PLB1: variants seen among roughly 807,000 people sequenced by gnomAD.
The protein encoded by PLB1 is phospholipase B1, membrane-associated.
Under a neutral mutation model 227.4 loss-of-function variants are expected in PLB1, and 242 were observed. That is an observed-to-expected ratio of 1.06 (90% CI 0.96 to 1.18). PLB1 has a LOEUF of 1.18. PLB1 is among the 50% of genes most tolerant of loss of function. The pLI, the probability that PLB1 is intolerant of heterozygous loss-of-function variation, is 0.00. For synonymous variants in PLB1, 757 were observed against 682.2 expected (o/e 1.11, Z -1.71); for missense variants, 1,858 against 1,816.3 (o/e 1.02, Z -0.42).
At chr2:28,497,037 G>A (rs1005832698) in intron 1 of PLB1, among the ~76,000 whole-genome samples, 4 of 152,194 alleles carry the variant, frequency 2.6e-5, no homozygotes, top group Admixed American at 2.6e-4. Context: ...GAATGACGAT[G>A]CTTGCTATGC....
At chr2:28,523,397 G>T (rs1395300493) in intron 4 of PLB1, among the ~76,000 whole-genome samples, 2 of 147,138 alleles carry the variant, frequency 1.4e-5, no homozygotes, top group South Asian at 2.1e-4. Flanking sequence ...TGCCAAGGAG[G>T]TTACAATTCA....
chr2:28,565,365 T>C lies in PLB1; in HGVS notation c.1280+12T>C. Reference sequence around the variant, plus strand: ...GGCCTGTCCTGGAGGTGAGTGAGGGTGTGGCAAGGCCCCAAAGGCCCCTTC... The same window carrying C: ...GGCCTGTCCTGGAGGTGAGTGAGGGCGTGGCAAGGCCCCAAAGGCCCCTTC... On this transcript the variant is annotated intron_variant, in intron 19 of 57. Transcript: ENST00000327757. 6.3e-7 allele frequency: 1 copy of C among 1,599,892 alleles called. No homozygotes were observed. Among genetic ancestry groups the C allele is most frequent in the Non-Finnish European group, 8.5e-7 (1 of 1,172,988 alleles).
intron 3 of PLB1, 60 bp downstream of exon 3, chr2:28,518,592 C>T (rs1396676209): frequency 7.7e-7 from 1 of 1,305,998 alleles, no homozygotes; most frequent in Non-Finnish European, 1.1e-6. Flanking sequence ...AAGTGGCCAG[C>T]AGAGGCTCTA....
chr2:28,625,998 CTT>C (rs774136235), intron 50 of PLB1, among the ~76,000 whole-genome samples: 23 of 136,972 alleles, frequency 1.7e-4, no homozygotes, highest in Admixed American at 1.5e-4. Flanking sequence ...TGTTGCTTTT[CTT>C]TTTTTTTTTT....
chr2:28,629,876 A>C (rs1309226985), intron 53 of PLB1, among the ~76,000 whole-genome samples: 1 of 152,184 alleles, frequency 6.6e-6, no homozygotes, highest in African/African-American at 2.4e-5. Context: ...AGGGCCTCCC[A>C]CAGTTTGAGT....
intron 25 of PLB1, among the ~76,000 whole-genome samples, chr2:28,583,659 C>A (rs989755717): frequency 1.3e-5 from 2 of 152,132 alleles, no homozygotes. Flanking sequence ...TGCCCAGATC[C>A]TGCGGCTCAA....
intron 14 of PLB1, among the ~76,000 whole-genome samples, chr2:28,545,466 G>A (rs539385760): frequency 2.0e-5 from 3 of 152,298 alleles, no homozygotes; most frequent in East Asian, 3.9e-4. Context: ...GAAGCGACGG[G>A]TATAACAGGT....
chr2:28,525,095 C>T (rs13384071), intron 4 of PLB1, among the ~76,000 whole-genome samples, 172 bp from the exon 5 acceptor site: 2,345 of 152,188 alleles, frequency 0.015, 49 homozygotes, highest in African/African-American at 0.053. Flanking sequence ...GTGATCCTCC[C>T]TGTGCTCAGC....
At chr2:28,553,063 A>G (rs140612453) in intron 17 of PLB1, 72 bp downstream of exon 17, 85 of 1,281,100 alleles carry the variant, frequency 6.6e-5, no homozygotes, top group Non-Finnish European at 9.3e-5. Context: ...GGCTTTCCAC[A>G]TAACCTGAAA....
At position 28,496,208 on chromosome 2, in the gene PLB1, AG is replaced by A. The variant is rs767815997; in HGVS notation, c.55+40del. 6 of 1,595,840 alleles carry A rather than the reference AG, an allele frequency of 3.8e-6. No individual in the cohort carries two copies. In the Admixed American group the frequency reaches 1.0e-4, roughly 27 times the overall value. On this transcript the variant is annotated intron_variant, in intron 1 of 57. Transcript: ENST00000327757. ...TTGCTCAGAGGACAACCAGTGGTTT[AG>A]CCCCGCTGGTGTCCCATGTTGCTTA...
chr2:28,621,396 A>G (rs139744030), intron 49 of PLB1, among the ~76,000 whole-genome samples: 163 of 152,312 alleles, frequency 1.1e-3, no homozygotes, highest in African/African-American at 3.6e-3. Flanking sequence ...AACTGAGTGC[A>G]TGACCCGGGG....
rs958417883 is a variant in PLB1 at position 28,643,176 on chromosome 2, C to G, written c.*115C>G. The G allele has an allele frequency of 1.9e-6, 2 of 1,025,746 alleles. No homozygotes were observed. Among genetic ancestry groups the G allele is most frequent in the Non-Finnish European group, 2.8e-6 (2 of 720,146 alleles). 63.5% of individuals were successfully genotyped at this position (1,025,746 alleles called of 1,614,324 possible). ...TCAATGCCTGGTGCCATAGGAAGCC[C>G]AGGGGACAGTCACAACTTCTTGGGG... On this transcript the variant is annotated 3_prime_UTR_variant, in exon 58 of 58. Transcript: ENST00000327757.
intron 9 of PLB1, among the ~76,000 whole-genome samples, chr2:28,536,284 G>T (rs1671670203): frequency 6.6e-6 from 1 of 152,218 alleles, no homozygotes; most frequent in African/African-American, 2.4e-5. Flanking sequence ...CTGAAGGCAG[G>T]TGCTTTGGAG....
intron 19 of PLB1, chr2:28,566,338 G>C (rs1330445222): frequency 6.3e-6 from 1 of 157,606 alleles, no homozygotes; most frequent in Non-Finnish European, 1.4e-5. Flanking sequence ...TGATCACCTT[G>C]GAATTTTATT....
intron 2 of PLB1, among the ~76,000 whole-genome samples, chr2:28,517,151 C>A (rs1311055856): frequency 6.6e-6 from 1 of 152,188 alleles, no homozygotes; most frequent in African/African-American, 2.4e-5. Flanking sequence ...AACCTTGAAG[C>A]AGATGTTGGG....
chr2:28,547,642 T>C (rs10865500), intron 14 of PLB1, among the ~76,000 whole-genome samples: 134,639 of 152,140 alleles, frequency 0.88, 59,907 homozygotes, highest in East Asian at 0.99. Flanking sequence ...CTTCCCACGT[T>C]CCTTGGCAGA....
chr2:28,635,219 C>A (rs1359184422), intron 56 of PLB1, among the ~76,000 whole-genome samples: 2 of 152,176 alleles, frequency 1.3e-5, no homozygotes, highest in Admixed American at 6.5e-5. Flanking sequence ...ATTATACAGT[C>A]TAATGTTTTC....
At chr2:28,548,140 C>T (rs1223624585) in intron 14 of PLB1, among the ~76,000 whole-genome samples, 2 of 152,032 alleles carry the variant, frequency 1.3e-5, no homozygotes, top group Non-Finnish European at 1.5e-5. Flanking sequence ...CCGTGAAAGA[C>T]ATGAGACTTG....
intron 56 of PLB1, 95 bp from the exon 57 acceptor site, chr2:28,640,832 T>C: frequency 7.7e-7 from 1 of 1,301,684 alleles, no homozygotes; most frequent in East Asian, 2.6e-5. Context: ...CCCACCCCGT[T>C]CCCGAGGGAG....
Sources: gnomAD v4.1 joint callset for allele counts (sites outside exome capture counted in the v4.1 genomes callset) on GRCh38, gnomAD v4.1.1 for gene constraint, MANE v1.5 for transcripts, NCBI Gene and HGNC (gene_info 2026-07-23, HGNC 2026-07-21) for gene names.